The following GAD1 variants were observed in gnomAD, a reference collection of about 807,000 sequenced individuals.
The protein encoded by GAD1 is glutamate decarboxylase 1, also known as 67 kDa glutamic acid decarboxylase.
In GAD1, 35 loss-of-function variants were observed where a neutral mutation model predicts 75.2. The ratio of observed to expected loss-of-function variants is 0.47; its 90% confidence interval spans 0.36 to 0.62. The LOEUF (loss-of-function observed/expected upper bound fraction) is 0.62, where lower values mean the gene tolerates loss of function less well. Among genes scored for constraint, GAD1 ranks in the 20% least tolerant of loss-of-function variants. GAD1 has a pLI of 0.00. For synonymous variants in GAD1, 257 were observed against 271.9 expected, an observed-to-expected ratio of 0.95 and a Z score of 0.54; for missense variants, 490 against 758.5, an observed-to-expected ratio of 0.65 and a Z score of 4.16.
chr2:170,852,008 TGAGAA>T (rs1227121325), intron 12 of GAD1, among the ~76,000 whole-genome samples: 2 of 152,050 alleles, frequency 1.3e-5, no homozygotes, highest in Non-Finnish European at 2.9e-5. Flanking sequence ...AGCCTATAAA[TGAGAA>T]GAGAAAGGCA....
chr2:170,838,972 A>G (rs967046813), intron 6 of GAD1, among the ~76,000 whole-genome samples: 5 of 152,256 alleles, frequency 3.3e-5, no homozygotes, highest in African/African-American at 1.2e-4. Flanking sequence ...TGTCTGAAGA[A>G]GCAATAACTA....
In GAD1 at chr2:170,839,411, C is replaced by T. The variant is rs182812144; in HGVS notation, c.638+2528C>T. 1.6e-3 allele frequency among the ~76,000 whole-genome samples: 246 copies of T among 151,998 alleles called. 1 individual carries two copies. The highest frequency in any genetic ancestry group is 5.8e-3 in the African/African-American group (239 of 41,470). On this transcript the variant is annotated intron_variant, in intron 6 of 16. Transcript: ENST00000358196. ...GGATGGGTCACCTAAAATGGGAGTTCGAGGCCAGCCTGGCCAACATGGTGA... is the reference window on the plus strand; with the variant it reads ...GGATGGGTCACCTAAAATGGGAGTTTGAGGCCAGCCTGGCCAACATGGTGA...
At chr2:170,856,985 C>T (rs769914367) in intron 14 of GAD1, 33 bp from the exon 15 acceptor site, 1 of 1,559,502 alleles carries the variant, frequency 6.4e-7, no homozygotes, top group South Asian at 1.1e-5. Flanking sequence ...CAGGGAAATG[C>T]AACCACAAAC....
At chr2:170,834,483 A>T (rs530338214) in intron 5 of GAD1, among the ~76,000 whole-genome samples, 1 of 152,334 alleles carries the variant, frequency 6.6e-6, no homozygotes, top group South Asian at 2.1e-4. Flanking sequence ...GAACCAGCCT[A>T]TAGAGATTTC....
intron 16 of GAD1, among the ~76,000 whole-genome samples, chr2:170,859,165 G>T (rs1702912082): frequency 6.6e-6 from 1 of 152,064 alleles, no homozygotes; most frequent in Admixed American, 6.6e-5. Context: ...CCTATGCAGG[G>T]TAAGGGAATA....
Position 170,845,629 on chromosome 2 carries a change from G to A in GAD1, c.867+8G>A, listed in dbSNP as rs769428753. 1.9e-6 allele frequency: 3 copies of A among 1,613,562 alleles called. No homozygotes were observed. The highest frequency in any genetic ancestry group is 2.5e-6 in the Non-Finnish European group (3 of 1,179,492). On this transcript the variant is annotated splice_region_variant and intron_variant, in intron 8 of 16. Coordinates refer to ENST00000358196, the MANE Select transcript of GAD1 (RefSeq NM_000817.3). Reference sequence around the variant, plus strand: ...CTCTTCACCTCAGAACAGGTGAGTCGGGGATGCTTTCTCATGGATAGTGGT... The same window carrying A: ...CTCTTCACCTCAGAACAGGTGAGTCAGGGATGCTTTCTCATGGATAGTGGT...
At chr2:170,859,476 A>G (rs944019414) in intron 16 of GAD1, among the ~76,000 whole-genome samples, 23 of 152,194 alleles carry the variant, frequency 1.5e-4, no homozygotes, top group African/African-American at 3.6e-4. Context: ...TTTTTATTTT[A>G]CTATCATTGT....
At position 170,858,572 on chromosome 2, in the gene GAD1, G is replaced by A. The variant is rs145438196; in HGVS notation, c.1522-232G>A. Among the ~76,000 whole-genome samples, 63 of 152,080 alleles carry A rather than the reference G, an allele frequency of 4.1e-4. 1 individual carries two copies. In the Middle Eastern group the frequency reaches 0.02, roughly 49 times the overall value. On this transcript the variant is annotated intron_variant, in intron 15 of 16. Transcript: ENST00000358196. ...TTGTAACATTTCAATGTTTAAAGTC[G>A]GTAACTTTAGTTACCTAGAAAATTG...
intron 6 of GAD1, among the ~76,000 whole-genome samples, chr2:170,838,775 C>T (rs1301951081): frequency 6.6e-6 from 1 of 152,190 alleles, no homozygotes; most frequent in African/African-American, 2.4e-5. Flanking sequence ...TCTCTTAGCT[C>T]AGCTGCAAAA....
intron 6 of GAD1, chr2:170,842,833 A>T: frequency 5.8e-6 from 6 of 1,043,274 alleles, no homozygotes; most frequent in Non-Finnish European, 8.1e-6. Flanking sequence ...TTTCATCCAC[A>T]ATTAAAACTT....
Position 170,818,109 on chromosome 2 carries a change from G to C in GAD1, c.-63-420G>C, listed in dbSNP as rs897773190. On this transcript the variant is annotated intron_variant, in intron 1 of 16. Coordinates refer to ENST00000358196, the MANE Select transcript of GAD1 (RefSeq NM_000817.3). This position sits in a 1 kb window ranked among gnomAD's most constrained non-coding sequence, Gnocchi z 5.9. ...CCTCCCCCCGCTGGCCCACACGCCG[G>C]CTGCTGAGTGCCCAATGGGGCTTGT... 5.4e-5 allele frequency: 9 copies of C among 165,958 alleles called. No homozygotes were observed. The highest frequency in any genetic ancestry group is 1.0e-4 in the Non-Finnish European group (8 of 76,930). The allele number at this position is 165,958 out of a possible 1,614,324, so 10.3% of individuals were successfully genotyped here.
At chr2:170,847,827 G>A (rs1244733575) in intron 11 of GAD1, 35 bp downstream of exon 11, 3 of 1,416,348 alleles carry the variant, frequency 2.1e-6, no homozygotes, top group Non-Finnish European at 3.0e-6. Context: ...GTCCATGTGG[G>A]GGGTGGAGGC....
At chr2:170,842,699 A>AG in intron 6 of GAD1, 1 of 1,611,328 alleles carries the variant, frequency 6.2e-7, no homozygotes, top group Non-Finnish European at 8.5e-7. Context: ...CTAAATTTCC[A>AG]GGGGCCTCCC....
intron 14 of GAD1, among the ~76,000 whole-genome samples, chr2:170,855,689 A>T (rs971307969): frequency 1.3e-5 from 2 of 151,776 alleles, no homozygotes; most frequent in Non-Finnish European, 2.9e-5. Context: ...CATCTGGGCA[A>T]CAAAGTAAGA....
chr2:170,815,121 G>T (rs916090879), upstream of GAD1, among the ~76,000 whole-genome samples: 1 of 152,112 alleles, frequency 6.6e-6, no homozygotes, highest in Non-Finnish European at 1.5e-5. Flanking sequence ...CTCTAGGAGG[G>T]CCGGTGGATG....
rs145209240 is a variant in GAD1 at position 170,852,737 on chromosome 2, C to T, written c.1208C>T (p.Pro403Leu). ...IERANSVTWN[P>L]HKMMGVLLQC... ...AGGGCCAACTCAGTCACCTGGAACC[C>T]TCACAAGATGATGGGCGTGCTGTTG... The change falls in exon 13 of 17, where the codon CCT becomes CTT. Residue 403 changes from proline (P) to leucine (L), a missense_variant. Pro to Leu is a moderately conservative substitution (Grantham distance 98, BLOSUM62 -3). Coordinates refer to ENST00000358196, the MANE Select transcript of GAD1 (RefSeq NM_000817.3). 3 of 1,614,086 alleles carry T rather than the reference C, an allele frequency of 1.9e-6. No homozygotes were observed. The highest frequency in any genetic ancestry group is 2.5e-6 in the Non-Finnish European group (3 of 1,180,044).
rs1254921154 is a variant in GAD1, at chr2:170,836,797, T to C, written c.552T>C (p.His184=). 1.2e-6 allele frequency: 2 copies of C among 1,612,458 alleles called. No individual in the cohort carries two copies. Among genetic ancestry groups the C allele is most frequent in the South Asian group, 2.2e-5 (2 of 91,048 alleles). Residue 184 remains histidine (H), a synonymous_variant, in exon 6 of 17, where the codon CAT becomes CAC. Coordinates refer to ENST00000358196, the MANE Select transcript of GAD1 (RefSeq NM_000817.3). ...DTLKYGVRTG[H]PRFFNQLSTG... ...GCTTTTCTGTTTCCTATCTAGGTCA[T>C]CCTCGATTTTTCAACCAGCTCTCCA...
intron 6 of GAD1, among the ~76,000 whole-genome samples, chr2:170,837,399 C>A (rs1308151939): frequency 6.6e-6 from 1 of 152,186 alleles, no homozygotes; most frequent in African/African-American, 2.4e-5. Context: ...CTAAATGTGA[C>A]ATTTTTTCAT....
intron 7 of GAD1, among the ~76,000 whole-genome samples, chr2:170,844,407 C>CTTTTTTTTTT (rs11327360): frequency 8.0e-6 from 1 of 124,514 alleles, no homozygotes; most frequent in Non-Finnish European, 1.7e-5. Flanking sequence ...TTTCTTTTTT[C>CTTTTTTTTTT]TTTTTTTTTT....
Sources: allele counts gnomAD v4.1 joint callset (sites outside exome capture counted in the v4.1 genomes callset), GRCh38; gene constraint gnomAD v4.1.1; non-coding constraint Gnocchi (gnomAD v3.1); transcripts MANE v1.5; gene names NCBI Gene and HGNC (gene_info 2026-07-23, HGNC 2026-07-21).